Variants in ZFP1 observed in about 807,000 individuals in gnomAD.
ZFP1 encodes the protein zinc finger protein 1 homolog.
Under a neutral mutation model 38.5 loss-of-function variants are expected in ZFP1, and 32 were observed. That is an observed-to-expected ratio of 0.83 (90% CI 0.63 to 1.12). ZFP1 has a LOEUF of 1.12. Among genes scored for constraint, ZFP1 ranks in the 50% most tolerant of loss-of-function variants. The pLI, the probability that ZFP1 is intolerant of heterozygous loss-of-function variation, is 0.00. For missense variants in ZFP1, 616 were observed against 480.8 expected, an observed-to-expected ratio of 1.28 and a Z score of -2.63; for synonymous variants, 245 against 168.8, an observed-to-expected ratio of 1.45 and a Z score of -3.50.
intron 2 of ZFP1, among the ~76,000 whole-genome samples, chr16:75,165,867 G>GAC (rs1037389422): frequency 1.4e-4 from 22 of 152,166 alleles, no homozygotes; most frequent in Admixed American, 1.0e-3. Flanking sequence ...AAGTATATTA[G>GAC]ACCTTTTTAG....
chr16:75,170,610 CTAG>C lies in ZFP1; in HGVS notation c.*277_*279del, dbSNP rs2038372992. 9.0e-6 allele frequency: 3 copies of C among 333,914 alleles called. No individual in the cohort carries two copies. Among genetic ancestry groups the C allele is most frequent in the African/African-American group, 2.1e-5 (1 of 47,606 alleles). The allele number at this position is 333,914 out of a possible 1,614,324, so 20.7% of individuals were successfully genotyped here. ...TAAAATCTTGAATGAATTGAGTATT[CTAG>C]ACAGCAGCATAAGAAATATACAAAC... On this transcript the variant is annotated 3_prime_UTR_variant, in exon 4 of 4. Coordinates refer to ENST00000570010, the MANE Select transcript of ZFP1 (RefSeq NM_153688.4).
the ZFP1 span, among the ~76,000 whole-genome samples, chr16:75,125,256 C>G: frequency 1.3e-5 from 2 of 152,090 alleles, no homozygotes; most frequent in East Asian, 1.9e-4. Flanking sequence ...AAGACTCTAT[C>G]TCGAAAAAAA....
chr16:75,165,805 C>T (rs774944977), intron 2 of ZFP1, among the ~76,000 whole-genome samples: 12 of 151,896 alleles, frequency 7.9e-5, no homozygotes, highest in Non-Finnish European at 1.5e-4. Context: ...AAATTCTCAG[C>T]TGTTATCTCT....
intron 2 of ZFP1, among the ~76,000 whole-genome samples, chr16:75,159,046 G>A (rs1388878995): frequency 6.6e-6 from 1 of 151,566 alleles, no homozygotes; most frequent in Non-Finnish European, 1.5e-5. Flanking sequence ...ACAGGCACAT[G>A]TCATTATGCC....
intron 3 of ZFP1, among the ~76,000 whole-genome samples, chr16:75,167,339 T>A (rs1253474905): frequency 6.6e-6 from 1 of 152,202 alleles, no homozygotes; most frequent in Non-Finnish European, 1.5e-5. Context: ...TGAGGACAGA[T>A]GACCTGTACC....
At chr16:75,150,805 T>G (rs1197892114) in intron 1 of ZFP1, among the ~76,000 whole-genome samples, 1 of 152,192 alleles carries the variant, frequency 6.6e-6, no homozygotes, top group Non-Finnish European at 1.5e-5. Context: ...AATATTGTGC[T>G]GTTGATCGTA....
chr16:75,127,580 C>T, the ZFP1 span, among the ~76,000 whole-genome samples: 1 of 152,104 alleles, frequency 6.6e-6, no homozygotes, highest in Non-Finnish European at 1.5e-5. Flanking sequence ...CTCAGCCTCC[C>T]AAAGTGCTGA....
At chr16:75,124,066 C>T in the ZFP1 span, among the ~76,000 whole-genome samples, 1 of 151,714 alleles carries the variant, frequency 6.6e-6, no homozygotes, top group Non-Finnish European at 1.5e-5. Context: ...TGCACTCCAG[C>T]CTGGGTGACA....
rs1173175152 is a variant in ZFP1 at position 75,171,438 on chromosome 16, TCC to T, written c.*1105_*1106del. The T allele has an allele frequency of 6.6e-6, 1 of 152,246 alleles. No homozygotes were observed. Among genetic ancestry groups the T allele is most frequent in the African/African-American group, 2.4e-5 (1 of 41,470 alleles). 9.4% of individuals were successfully genotyped at this position (152,246 alleles called of 1,614,324 possible). A position where few individuals can be genotyped will look rare whatever the true frequency, so the allele number is the denominator to read the frequency against. On this transcript the variant is annotated 3_prime_UTR_variant, in exon 4 of 4. Coordinates refer to ENST00000570010, the MANE Select transcript of ZFP1 (RefSeq NM_153688.4). Reference sequence around the variant, plus strand: ...GTTGTTTAAAGGAGGCATTTCTACTTCCTTGAGTTTTGCTGTTGCCAACCTAA... The same window carrying T: ...GTTGTTTAAAGGAGGCATTTCTACTTTTGAGTTTTGCTGTTGCCAACCTAA...
chr16:75,169,311 G>A lies in ZFP1; in HGVS notation c.201G>A (p.Ala67=), dbSNP rs748117598. Residue 67 remains alanine, a synonymous_variant, in exon 4 of 4, where the codon GCG becomes GCA. Transcript: ENST00000570010. ...ACCACAGAAACCCAGACGAGCAGGC[G>A]AGGCAATTTTTAATTCTTAAGAACC... The part of the protein sequence containing the change: ...ERDHRNPDEQ[A]RQFLILKNQT... 3.0e-5 allele frequency: 48 copies of A among 1,613,946 alleles called. No individual in the cohort carries two copies. Among genetic ancestry groups the A allele is most frequent in the Admixed American group, 1.0e-4 (6 of 59,966 alleles).
At chr16:75,158,446 A>G (rs1289547313) in intron 2 of ZFP1, among the ~76,000 whole-genome samples, 2 of 151,676 alleles carry the variant, frequency 1.3e-5, no homozygotes, top group Non-Finnish European at 2.9e-5. Flanking sequence ...AGCCTCAAGC[A>G]GTTCTCCCAC....
upstream of ZFP1, chr16:75,148,432 C>T (rs995003692): frequency 6.6e-6 from 1 of 152,276 alleles, no homozygotes; most frequent in Non-Finnish European, 1.5e-5. Flanking sequence ...AATGTAGTCC[C>T]GAACGTGGAT....
chr16:75,136,826 G>A, the ZFP1 span, among the ~76,000 whole-genome samples: 1 of 152,160 alleles, frequency 6.6e-6, no homozygotes, highest in South Asian at 2.1e-4. Context: ...AGCTATGGTC[G>A]TGACACTGTG....
chr16:75,143,168 T>C, the ZFP1 span, among the ~76,000 whole-genome samples: 2 of 152,072 alleles, frequency 1.3e-5, no homozygotes, highest in African/African-American at 2.4e-5. Context: ...AAAAAAAAGA[T>C]ATAGAGGGGA....
At chr16:75,120,209 T>C in the ZFP1 span, among the ~76,000 whole-genome samples, 1 of 152,330 alleles carries the variant, frequency 6.6e-6, no homozygotes, top group South Asian at 2.1e-4. Flanking sequence ...TGTTTTTGTT[T>C]TTGTTTTTCT....
chr16:75,153,580 TTGAA>T (rs1323697087), intron 2 of ZFP1, among the ~76,000 whole-genome samples: 2 of 152,114 alleles, frequency 1.3e-5, no homozygotes, highest in African/African-American at 2.4e-5. Flanking sequence ...TACAGAAAAA[TTGAA>T]TGGGGAATGC....
At position 75,170,400 on chromosome 16, in the gene ZFP1, T is replaced by C; in HGVS notation, c.*66T>C. On this transcript the variant is annotated 3_prime_UTR_variant, in exon 4 of 4. Transcript: ENST00000570010. ...CTCTTCAAGCGGGTGAAAAACCTCATGACAGTATTGAGGGAACATGGGAAT... is the reference window on the plus strand; with the variant it reads ...CTCTTCAAGCGGGTGAAAAACCTCACGACAGTATTGAGGGAACATGGGAAT... 6.7e-7 allele frequency: 1 copy of C among 1,494,686 alleles called. No individual in the cohort carries two copies. The highest frequency in any genetic ancestry group is 1.4e-5 in the African/African-American group (1 of 71,508). 92.6% of individuals were successfully genotyped at this position (1,494,686 alleles called of 1,614,324 possible).
chr16:75,138,365 A>T, the ZFP1 span, among the ~76,000 whole-genome samples: 1 of 152,168 alleles, frequency 6.6e-6, no homozygotes, highest in African/African-American at 2.4e-5. Context: ...TGGACTGTGC[A>T]GAGTGACTTC....
At chr16:75,121,426 ATTTCT>A in the ZFP1 span, among the ~76,000 whole-genome samples, 1 of 152,012 alleles carries the variant, frequency 6.6e-6, no homozygotes, top group Non-Finnish European at 1.5e-5. Context: ...CACCCGGCAA[ATTTCT>A]TTAATTTTAT....
Sources: allele counts gnomAD v4.1 joint callset (sites outside exome capture counted in the v4.1 genomes callset), GRCh38; gene constraint gnomAD v4.1.1; transcripts MANE v1.5; gene names NCBI Gene and HGNC (gene_info 2026-07-23, HGNC 2026-07-21).